Variants in AKAP11 observed in about 807,000 individuals in gnomAD.
AKAP11 encodes the protein A-kinase anchor protein 11.
A neutral mutation model predicts 146.1 loss-of-function variants in AKAP11; 36 were observed. The observed-to-expected ratio is 0.25, with a 90% CI of 0.19 to 0.33. The LOEUF (loss-of-function observed/expected upper bound fraction) is 0.33. Among genes scored for constraint, AKAP11 ranks in the 10% least tolerant of loss-of-function variants. The probability of loss-of-function intolerance (pLI) is 1.00; values close to 1 mark genes in which losing one functional copy is unlikely to be tolerated. For synonymous variants in AKAP11, 780 were observed against 786.5 expected, an observed-to-expected ratio of 0.99 and a Z score of 0.14; for missense variants, 2,201 against 2,197.0, an observed-to-expected ratio of 1.00 and a Z score of -0.04.
In AKAP11 at chr13:42,301,777, A is replaced by G. The variant is rs754613438; in HGVS notation, c.3031A>G (p.Lys1011Glu). 4.3e-6 allele frequency: 7 copies of G among 1,614,036 alleles called. No homozygotes were observed. Among genetic ancestry groups the G allele is most frequent in the African/African-American group, 1.3e-5 (1 of 74,932 alleles). ...TGCAAAGGATTGTGTTCCAGAATGT[A>G]AAGTTTCTATGGTTCATGGATCCTC... Reference protein sequence around the residue: ...SAAKDCVPECKVSMVHGSSLE... With the variant: ...SAAKDCVPECEVSMVHGSSLE... Residue 1011 changes from lysine (K) to glutamate (E), a missense_variant, in exon 8 of 13, where the codon AAA becomes GAA. Around this residue, in one of 3 missense-constraint regions of AKAP11, gnomAD observed 1,867 missense variants for 1,833.5 expected, o/e 1.02. Transcript: ENST00000025301.
intron 3 of AKAP11, among the ~76,000 whole-genome samples, chr13:42,287,812 A>G (rs921708205): frequency 6.6e-6 from 1 of 152,222 alleles, no homozygotes; most frequent in Admixed American, 6.5e-5. Flanking sequence ...TATACAAAAT[A>G]TAATAGCAAA....
chr13:42,313,990 T>A (rs1254631711), intron 11 of AKAP11, 50 bp downstream of exon 11: 1 of 1,584,508 alleles, frequency 6.3e-7, no homozygotes, highest in Non-Finnish European at 8.7e-7. Flanking sequence ...GTATAAGGTT[T>A]CCTAGAAGAG....
Position 42,300,463 on chromosome 13 carries a change from GTC to G in AKAP11, c.1721_1722del (p.Ser574PhefsTer23). On this transcript the variant is annotated frameshift_variant, in exon 8 of 13. Coordinates refer to ENST00000025301, the MANE Select transcript of AKAP11 (RefSeq NM_016248.4). LOFTEE classifies it high-confidence loss of function. ...TGCATTTAAAGACTTACAGAAAGGA[GTC>G]TCTTCATGTACCAATGCTTTGTACC... ...GSAFKDLQKG[V>X]SSCTNALYHL... is the part of the protein sequence containing the mutation. 2 of 1,613,978 alleles carry G rather than the reference GTC, an allele frequency of 1.2e-6. No homozygotes were observed.
chr13:42,313,219 C>A, intron 10 of AKAP11, 89 bp downstream of exon 10: 1 of 947,002 alleles, frequency 1.1e-6, no homozygotes, highest in Non-Finnish European at 1.6e-6. Flanking sequence ...GGTTACAGTG[C>A]CAGTATGTAT....
At chr13:42,296,977 G>A in intron 5 of AKAP11, 71 bp from the exon 6 acceptor site, 1 of 1,396,794 alleles carries the variant, frequency 7.2e-7, no homozygotes, top group South Asian at 1.5e-5. Context: ...TTTTGGATAG[G>A]GTCCACATTA....
Position 42,299,423 on chromosome 13 carries a change from A to T in AKAP11, c.677A>T (p.His226Leu), listed in dbSNP as rs1180223103. The T allele has an allele frequency of 6.2e-7, 1 of 1,613,770 alleles. No homozygotes were observed. The highest frequency in any genetic ancestry group is 8.5e-7 in the Non-Finnish European group (1 of 1,179,830). ...GCTGCTTCCCAGACGGTTACTGGTC[A>T]TCATTTAGAAACCCATGATTTAAAG... is the stretch of plus-strand genomic sequence containing the variant. ...CDAASQTVTG[H>L]HLETHDLKIL... The change falls in exon 8 of 13, where the codon CAT becomes CTT. Residue 226 changes from histidine to leucine, a missense_variant. His to Leu is a moderately conservative substitution (Grantham distance 99). This residue lies in a region of AKAP11 where 331 missense variants were observed against 347.4 expected (regional missense o/e 0.95). Transcript: ENST00000025301.
At chr13:42,310,235 C>A (rs752644470) in intron 9 of AKAP11, among the ~76,000 whole-genome samples, 14 of 152,068 alleles carry the variant, frequency 9.2e-5, no homozygotes, top group Non-Finnish European at 2.1e-4. Flanking sequence ...TTCCATTGAC[C>A]AAAGTTGTAA....
rs1198493156 is a variant in AKAP11 at position 42,272,156 on chromosome 13, T to G, written c.-172T>G. 2.6e-5 allele frequency: 4 copies of G among 152,270 alleles called. No individual in the cohort carries two copies. Among genetic ancestry groups the G allele is most frequent in the African/African-American group, 9.7e-5 (4 of 41,088 alleles). The allele number at this position is 152,270 out of a possible 1,614,324, so 9.4% of individuals were successfully genotyped here. A position where few individuals can be genotyped will look rare whatever the true frequency, so the allele number is the denominator to read the frequency against. On this transcript the variant is annotated 5_prime_UTR_variant, in exon 1 of 13. Transcript: ENST00000025301. ...GGGTCAGCGCGGGAGGGGGCCAGCT[T>G]GCTTGCCCGGCTCGCTCACGGGTCG...
chr13:42,281,829 A>G (rs1373581224), intron 1 of AKAP11, among the ~76,000 whole-genome samples: 1 of 152,186 alleles, frequency 6.6e-6, no homozygotes, highest in African/African-American at 2.4e-5. Context: ...CTCATATTGT[A>G]GATAGATGAC....
chr13:42,319,743 A>G lies in AKAP11; in HGVS notation c.*515A>G, dbSNP rs1055512052. 2 of 152,326 alleles carry G rather than the reference A, an allele frequency of 1.3e-5. No individual in the cohort carries two copies. The highest frequency in any genetic ancestry group is 4.8e-5 in the African/African-American group (2 of 41,388). 9.4% of individuals were successfully genotyped at this position (152,326 alleles called of 1,614,324 possible). The stretch of plus-strand genomic sequence containing the variant: ...TTTTAAAAATCAGTTTCATTTTCAT[A>G]TTTCATAGATCAGCTATTGGTAGCT... On this transcript the variant is annotated 3_prime_UTR_variant, in exon 13 of 13. Coordinates refer to ENST00000025301, the MANE Select transcript of AKAP11 (RefSeq NM_016248.4).
At chr13:42,306,842 C>A (rs1403749703) in intron 8 of AKAP11, among the ~76,000 whole-genome samples, 1 of 152,064 alleles carries the variant, frequency 6.6e-6, no homozygotes, top group Non-Finnish European at 1.5e-5. Flanking sequence ...CATTTTTATT[C>A]ATTTTTGTTT....
In AKAP11 at chr13:42,323,047, C is replaced by T. The variant is rs1195046289; in HGVS notation, c.*3819C>T. 6.5e-6 allele frequency: 1 copy of T among 152,688 alleles called. No homozygotes were observed. The highest frequency in any genetic ancestry group is 1.5e-5 in the Non-Finnish European group (1 of 68,008). 9.5% of individuals were successfully genotyped at this position (152,688 alleles called of 1,614,324 possible). A position where few individuals can be genotyped will look rare whatever the true frequency, so the allele number is the denominator to read the frequency against. The stretch of plus-strand genomic sequence containing the variant: ...TATATTAAGATCTTGTACTGTGTAA[C>T]AGTAACTCTTTTTTGCTTTTCAGTA... On this transcript the variant is annotated 3_prime_UTR_variant, in exon 13 of 13. Coordinates refer to ENST00000025301, the MANE Select transcript of AKAP11 (RefSeq NM_016248.4).
Position 42,303,004 on chromosome 13 carries a change from G to A in AKAP11, c.4258G>A (p.Glu1420Lys), listed in dbSNP as rs376359607. 476 of 1,613,398 alleles carry A rather than the reference G, an allele frequency of 3.0e-4. 4 individuals carry two copies. In the South Asian group the frequency reaches 4.5e-3, roughly 15 times the overall value. ...LMFSNKEHHQ[E>K]ADKKRQSKRN... Reference sequence around the variant, plus strand: ...GTTTTCAAACAAAGAGCACCACCAAGAAGCAGACAAAAAGAGACAAAGTAA... The same window carrying A: ...GTTTTCAAACAAAGAGCACCACCAAAAAGCAGACAAAAAGAGACAAAGTAA... The change falls in exon 8 of 13, where the codon GAA (glutamate) becomes AAA (lysine). Residue 1420 changes from glutamate to lysine, a missense_variant. By Grantham distance (56) the Glu-to-Lys change is moderately conservative. Coordinates refer to ENST00000025301, the MANE Select transcript of AKAP11 (RefSeq NM_016248.4).
intron 8 of AKAP11, among the ~76,000 whole-genome samples, chr13:42,307,157 G>T (rs1176181825): frequency 6.6e-6 from 1 of 152,126 alleles, no homozygotes; most frequent in Non-Finnish European, 1.5e-5. Flanking sequence ...AAACAAAGTA[G>T]TAATCTATCA....
chr13:42,318,053 T>A (rs1960906217), intron 12 of AKAP11, among the ~76,000 whole-genome samples: 1 of 152,206 alleles, frequency 6.6e-6, no homozygotes, highest in African/African-American at 2.4e-5. Context: ...ATTGAATTAT[T>A]CTCTGTATTT....
rs574163204 is a variant in AKAP11, at chr13:42,314,187, A to G, written c.5404+247A>G. Among the ~76,000 whole-genome samples, 51 of 152,350 alleles carry G rather than the reference A, an allele frequency of 3.3e-4. No homozygotes were observed. The South Asian group carries it at 9.1e-3, about 27-fold the overall frequency. On this transcript the variant is annotated intron_variant, in intron 11 of 12. Transcript: ENST00000025301. ...TGGGCAGGCACGGTGGCTTACGCCT[A>G]TAATCCCAGCATTTTGGGTGGCTGA...
Position 42,297,310 on chromosome 13 carries a change from A to T in AKAP11, c.351+128A>T. 3 of 653,952 alleles carry T rather than the reference A, an allele frequency of 4.6e-6. No individual in the cohort carries two copies. In the East Asian group the frequency reaches 1.1e-4, roughly 23 times the overall value. The allele number at this position is 653,952 out of a possible 1,614,324, so 40.5% of individuals were successfully genotyped here. A position where few individuals can be genotyped will look rare whatever the true frequency, so the allele number is the denominator to read the frequency against. ...TTAAATGGTATCTCAAGGAAATATG[A>T]TTCATAAGAAATATAACTCATGAAG... On this transcript the variant is annotated intron_variant, in intron 6 of 12. Transcript: ENST00000025301.
intron 12 of AKAP11, 32 bp from the exon 13 acceptor site, chr13:42,319,056 T>C: frequency 1.9e-6 from 3 of 1,594,566 alleles, no homozygotes; most frequent in South Asian, 1.2e-5. Flanking sequence ...AAATTGTTTT[T>C]GGTTAATGTT....
At position 42,299,634 on chromosome 13, in the gene AKAP11, A is replaced by G. The variant is rs760289713; in HGVS notation, c.888A>G (p.Lys296=). 2 of 1,613,844 alleles carry G rather than the reference A, an allele frequency of 1.2e-6. No homozygotes were observed. The highest frequency in any genetic ancestry group is 2.7e-5 in the African/African-American group (2 of 74,914). Reference sequence around the variant, plus strand: ...CAGATAAAGATAGTGATTTACAGAAAACATTTTTTTCGTCTTCTCCTGCCT... The same window carrying G: ...CAGATAAAGATAGTGATTTACAGAAGACATTTTTTTCGTCTTCTCCTGCCT... ...NASDKDSDLQ[K]TFFSSSPAYS... is the part of the protein sequence containing the mutation. Residue 296 remains lysine (K), a synonymous_variant, in exon 8 of 13, where the codon AAA becomes AAG. Coordinates refer to ENST00000025301, the MANE Select transcript of AKAP11 (RefSeq NM_016248.4).
Sources: gnomAD v4.1 joint callset for allele counts (sites outside exome capture counted in the v4.1 genomes callset) on GRCh38, gnomAD v4.1.1 for gene constraint, gnomAD v4.1.1 regional missense constraint, MANE v1.5 for transcripts, NCBI Gene and HGNC (gene_info 2026-07-23, HGNC 2026-07-21) for gene names.